Variants in LRP1B observed in about 807,000 individuals in gnomAD.
LRP1B encodes LDL receptor related protein 1B, also known as low-density lipoprotein receptor-related protein 1B.
In LRP1B, 217 loss-of-function variants were observed where a neutral mutation model predicts 556.6. The observed-to-expected ratio is 0.39, with a 90% CI of 0.35 to 0.44. The LOEUF (loss-of-function observed/expected upper bound fraction) is 0.44. Among genes scored for constraint, LRP1B ranks in the 20% least tolerant of loss-of-function variants. The pLI is 1.00. For synonymous variants in LRP1B, 2,047 were observed against 1,865.8 expected (o/e 1.10, Z -2.50); for missense variants, 5,053 against 5,620.8 (o/e 0.90, Z 3.23).
chr2:140,553,353 C>T (rs1404723917), intron 43 of LRP1B, among the ~76,000 whole-genome samples: 2 of 151,760 alleles, frequency 1.3e-5, no homozygotes, highest in African/African-American at 4.8e-5. Flanking sequence ...AGTGTCTACC[C>T]AAATTTGTAA....
intron 1 of LRP1B, among the ~76,000 whole-genome samples, chr2:141,946,207 G>C (rs184851164): frequency 6.6e-6 from 1 of 152,162 alleles, no homozygotes; most frequent in East Asian, 1.9e-4. Flanking sequence ...CTTCCTGCCT[G>C]CTCCTGCTCC....
At chr2:140,768,987 G>A (rs1187392923) in intron 35 of LRP1B, among the ~76,000 whole-genome samples, 1 of 151,252 alleles carries the variant, frequency 6.6e-6, no homozygotes, top group Non-Finnish European at 1.5e-5. Context: ...GGTATGTTAA[G>A]GCAATTGCAA....
chr2:141,639,277 C>T (rs1480632925), intron 2 of LRP1B, among the ~76,000 whole-genome samples: 1 of 128,676 alleles, frequency 7.8e-6, no homozygotes, highest in Non-Finnish European at 1.6e-5. Flanking sequence ...AGATTCATTG[C>T]TGGACCCAGG....
chr2:140,516,789 A>C (rs1192679249), intron 50 of LRP1B, 100 bp downstream of exon 50: 1 of 1,080,008 alleles, frequency 9.3e-7, no homozygotes, highest in African/African-American at 1.6e-5. Context: ...TAATGTTAAA[A>C]TCAGCTGACA....
intron 2 of LRP1B, among the ~76,000 whole-genome samples, chr2:141,637,688 T>C (rs1292515870): frequency 6.6e-6 from 1 of 152,166 alleles, no homozygotes; most frequent in Non-Finnish European, 1.5e-5. Context: ...ATTAAGCGGA[T>C]TGAAAGAGAA....
chr2:140,300,469 A>T (rs1198956521), intron 83 of LRP1B, among the ~76,000 whole-genome samples: 1 of 152,178 alleles, frequency 6.6e-6, no homozygotes, highest in African/African-American at 2.4e-5. Context: ...GTCCTGTTAC[A>T]ATGATTAAGG....
At chr2:140,270,048 T>G (rs1310234135) in intron 86 of LRP1B, among the ~76,000 whole-genome samples, 194 bp downstream of exon 86, 1 of 151,978 alleles carries the variant, frequency 6.6e-6, no homozygotes, top group East Asian at 1.9e-4. Flanking sequence ...AATGAGCTCT[T>G]CCTCATGAAA....
chr2:141,649,866 G>A (rs1689719092), intron 2 of LRP1B, among the ~76,000 whole-genome samples: 1 of 152,140 alleles, frequency 6.6e-6, no homozygotes, highest in Admixed American at 6.6e-5. Context: ...AAAATAACTA[G>A]GTAACCAATC....
intron 41 of LRP1B, among the ~76,000 whole-genome samples, chr2:140,628,417 G>T (rs1421726733): frequency 1.3e-5 from 2 of 151,758 alleles, no homozygotes; most frequent in African/African-American, 4.8e-5. Flanking sequence ...GGTGCCTGTA[G>T]TCCCAGCTAC....
At chr2:140,309,713 AACAATAAT>A (rs1684213316) in intron 83 of LRP1B, among the ~76,000 whole-genome samples, 1 of 151,854 alleles carries the variant, frequency 6.6e-6, no homozygotes, top group Non-Finnish European at 1.5e-5. Context: ...TTTCAATGAA[AACAATAAT>A]ACATGTTAAT....
At chr2:141,637,684 C>A (rs951294865) in intron 2 of LRP1B, among the ~76,000 whole-genome samples, 4 of 152,126 alleles carry the variant, frequency 2.6e-5, no homozygotes, top group African/African-American at 9.7e-5. Context: ...GGGCATTAAG[C>A]GGATTGAAAG....
Position 141,111,872 on chromosome 2 carries a change from C to T in LRP1B, c.1014-49599G>A, listed in dbSNP as rs12612441. On this transcript the variant is annotated intron_variant, in intron 7 of 90. Transcript: ENST00000389484. ...CATCCTGGCTAACATGGTGAAACCC[C>T]GTCTCTACCAAAAATATAAAAAAAT... Among the ~76,000 whole-genome samples the T allele has an allele frequency of 1.4e-4, 21 of 151,800 alleles. No homozygotes were observed. The East Asian group carries it at 3.5e-3, about 25-fold the overall frequency.
intron 1 of LRP1B, among the ~76,000 whole-genome samples, chr2:142,111,100 C>T (rs1706971557): frequency 6.6e-6 from 1 of 152,134 alleles, no homozygotes; most frequent in Admixed American, 6.6e-5. Context: ...GATTTCTAAG[C>T]ATTAATAACT....
intron 3 of LRP1B, among the ~76,000 whole-genome samples, chr2:141,380,804 T>C (rs560041639): frequency 6.6e-6 from 1 of 152,112 alleles, no homozygotes; most frequent in Non-Finnish European, 1.5e-5. Context: ...CTCTTTCACA[T>C]GTCTTGAGGC....
At chr2:141,054,999 G>C in intron 10 of LRP1B, 117 bp downstream of exon 10, 1 of 1,126,008 alleles carries the variant, frequency 8.9e-7, no homozygotes. Flanking sequence ...TATATTTGCA[G>C]GCAAACTTCA....
rs996526561 is a variant in LRP1B, at chr2:140,915,172, G to A, written c.3320-7095C>T. On this transcript the variant is annotated intron_variant, in intron 21 of 90. Transcript: ENST00000389484. Reference sequence around the variant, plus strand: ...TAAGACATCGAGGTACTTATATAAGGTGATTTAATGAAATGAAGAAGGAAG... The same window carrying A: ...TAAGACATCGAGGTACTTATATAAGATGATTTAATGAAATGAAGAAGGAAG... Among the ~76,000 whole-genome samples, 16 of 152,090 alleles carry A rather than the reference G, an allele frequency of 1.1e-4. 1 individual carries two copies. Among genetic ancestry groups the A allele is most frequent in the Admixed American group, 1.0e-3 (16 of 15,264 alleles).
chr2:140,391,763 A>G (rs543749413), intron 66 of LRP1B, among the ~76,000 whole-genome samples: 1 of 152,288 alleles, frequency 6.6e-6, no homozygotes, highest in East Asian at 1.9e-4. Flanking sequence ...GTCATAGCAA[A>G]AAAAAGTACA....
At chr2:140,610,491 A>C (rs1683031316) in intron 41 of LRP1B, among the ~76,000 whole-genome samples, 1 of 152,214 alleles carries the variant, frequency 6.6e-6, no homozygotes, top group East Asian at 1.9e-4. Flanking sequence ...GAGAGCACAA[A>C]CTCTGGTTTC....
At chr2:141,195,312 G>T (rs1356737808) in intron 6 of LRP1B, among the ~76,000 whole-genome samples, 1 of 152,060 alleles carries the variant, frequency 6.6e-6, no homozygotes, top group South Asian at 2.1e-4. Flanking sequence ...CAGTCTTTTA[G>T]CTCCAGTTAA....
Sources: allele counts gnomAD v4.1 joint callset (sites outside exome capture counted in the v4.1 genomes callset), GRCh38; gene constraint gnomAD v4.1.1; transcripts MANE v1.5; gene names NCBI Gene and HGNC (gene_info 2026-07-23, HGNC 2026-07-21).